The following MAGI2 variants were observed in gnomAD, a reference collection of about 807,000 sequenced individuals.
MAGI2 encodes the protein membrane-associated guanylate kinase, WW and PDZ domain-containing protein 2.
In MAGI2, 35 loss-of-function variants were observed where a neutral mutation model predicts 133.3. The observed-to-expected ratio is 0.26, with a 90% confidence interval of 0.20 to 0.35. The LOEUF is 0.35. Ranked by LOEUF, MAGI2 falls within the 10% of genes least tolerant of loss-of-function variation. MAGI2 has a pLI of 1.00. For synonymous variants in MAGI2, 729 were observed against 710.6 expected (o/e 1.03, Z -0.41); for missense variants, 1,636 against 1,863.4 (o/e 0.88, Z 2.25).
At chr7:78,551,255 G>A (rs561527652) in intron 3 of MAGI2, among the ~76,000 whole-genome samples, 12 of 152,302 alleles carry the variant, frequency 7.9e-5, no homozygotes, top group East Asian at 3.9e-4. Context: ...AATTACTTTA[G>A]TGGGTTGTTT....
chr7:78,805,960 T>G (rs151167122), intron 2 of MAGI2, among the ~76,000 whole-genome samples: 1 of 152,128 alleles, frequency 6.6e-6, no homozygotes, highest in African/African-American at 2.4e-5. Context: ...ACTGTGGAAT[T>G]TGTAGCAAAG....
chr7:78,161,734 T>C (rs17149399), intron 15 of MAGI2, among the ~76,000 whole-genome samples: 13,759 of 141,808 alleles, frequency 0.097, 712 homozygotes, highest in East Asian at 0.17. Flanking sequence ...TTTTAAAAAA[T>C]GGCCTAACCA....
intron 3 of MAGI2, among the ~76,000 whole-genome samples, chr7:78,605,643 C>T (rs1477869509): frequency 2.0e-5 from 3 of 152,018 alleles, no homozygotes; most frequent in Non-Finnish European, 1.5e-5. Context: ...ACAGAGCATG[C>T]TGAAGTCTGT....
At chr7:79,155,494 T>G (rs1823683284) in intron 1 of MAGI2, among the ~76,000 whole-genome samples, 2 of 152,096 alleles carry the variant, frequency 1.3e-5, no homozygotes, top group Non-Finnish European at 1.5e-5. Flanking sequence ...TTTGGAAAGA[T>G]GGGAACACCA....
At chr7:79,001,569 G>A (rs964252465) in intron 2 of MAGI2, among the ~76,000 whole-genome samples, 2 of 152,154 alleles carry the variant, frequency 1.3e-5, no homozygotes, top group South Asian at 2.1e-4. Context: ...ATAAACAGCC[G>A]TGATTATTTT....
At chr7:78,988,956 T>C (rs1349432630) in intron 2 of MAGI2, among the ~76,000 whole-genome samples, 2 of 152,068 alleles carry the variant, frequency 1.3e-5, no homozygotes, top group African/African-American at 2.4e-5. Context: ...ACTTTCAAGA[T>C]GTGAAATAAA....
At chr7:78,713,717 C>T (rs1819430275) in intron 2 of MAGI2, among the ~76,000 whole-genome samples, 1 of 152,076 alleles carries the variant, frequency 6.6e-6, no homozygotes, top group African/African-American at 2.4e-5. Context: ...ACTTGCTTTC[C>T]TTCAATAGTA....
Position 79,396,009 on chromosome 7 carries a change from C to T in MAGI2, c.301+57011G>A, listed in dbSNP as rs540878407. ...ATTAAAATTATATGTGTGTCACTTT[C>T]TCTGTCCTATAAGGCTGGGGATTTC... On this transcript the variant is annotated intron_variant, in intron 1 of 21. Transcript: ENST00000354212. Among the ~76,000 whole-genome samples, 3 of 152,236 alleles carry T rather than the reference C, an allele frequency of 2.0e-5. No homozygotes were observed. The South Asian group carries it at 6.2e-4, about 32-fold the overall frequency.
chr7:78,423,243 T>C (rs1012607687), intron 6 of MAGI2, among the ~76,000 whole-genome samples: 2 of 152,114 alleles, frequency 1.3e-5, no homozygotes, highest in African/African-American at 4.8e-5. Flanking sequence ...CGAGATCTGA[T>C]GGTTTTAAAA....
At chr7:79,217,973 A>AAT (rs1830154013) in intron 1 of MAGI2, among the ~76,000 whole-genome samples, 1 of 152,022 alleles carries the variant, frequency 6.6e-6, no homozygotes, top group Non-Finnish European at 1.5e-5. Flanking sequence ...AACATGCACG[A>AAT]ATATTAGGCT....
chr7:78,048,701 G>A (rs1811689168), intron 21 of MAGI2, among the ~76,000 whole-genome samples: 14 of 151,908 alleles, frequency 9.2e-5, no homozygotes, highest in Admixed American at 9.2e-4. Context: ...TTTGTCCCAG[G>A]GCTTCCACCT....
At chr7:78,515,999 C>T (rs976155377) in intron 4 of MAGI2, among the ~76,000 whole-genome samples, 1 of 152,250 alleles carries the variant, frequency 6.6e-6, no homozygotes, top group Admixed American at 6.5e-5. Flanking sequence ...CAGGCTAATA[C>T]CTTCCAAACA....
intron 1 of MAGI2, among the ~76,000 whole-genome samples, chr7:79,023,558 G>C (rs532351421): frequency 1.4e-3 from 215 of 152,242 alleles, no homozygotes; most frequent in Middle Eastern, 6.8e-3. Flanking sequence ...CCTGTTTGTT[G>C]ATGATGTGAT....
chr7:78,438,147 GTTT>G (rs1002379829), intron 6 of MAGI2, among the ~76,000 whole-genome samples: 3 of 151,988 alleles, frequency 2.0e-5, no homozygotes, highest in African/African-American at 7.2e-5. Flanking sequence ...CCACTGAAAC[GTTT>G]TTGAGACTCT....
intron 3 of MAGI2, among the ~76,000 whole-genome samples, chr7:78,531,820 C>G (rs73376279): frequency 6.6e-6 from 1 of 152,106 alleles, no homozygotes; most frequent in Non-Finnish European, 1.5e-5. Context: ...GAGACCTCTA[C>G]GACTATTTTT....
chr7:78,668,873 G>T (rs1362336780), intron 2 of MAGI2, among the ~76,000 whole-genome samples: 1 of 151,558 alleles, frequency 6.6e-6, no homozygotes, highest in East Asian at 1.9e-4. Context: ...TGAAACCAAT[G>T]AGAACAAAGA....
At chr7:79,085,244 T>C (rs151024198) in intron 1 of MAGI2, among the ~76,000 whole-genome samples, 1 of 152,010 alleles carries the variant, frequency 6.6e-6, no homozygotes, top group East Asian at 1.9e-4. Flanking sequence ...CTTCTGCTAG[T>C]TCAAATCTGC....
chr7:79,288,888 T>C (rs1188066038), intron 1 of MAGI2, among the ~76,000 whole-genome samples: 1 of 152,170 alleles, frequency 6.6e-6, no homozygotes, highest in Non-Finnish European at 1.5e-5. Context: ...AATACTAGAC[T>C]TTTTTCTTTT....
intron 1 of MAGI2, among the ~76,000 whole-genome samples, chr7:79,040,344 T>C (rs945881316): frequency 1.3e-5 from 2 of 151,730 alleles, no homozygotes; most frequent in Non-Finnish European, 2.9e-5. Context: ...TCTTTCATAA[T>C]TGTATAAATT....
Sources: gnomAD v4.1 joint callset for allele counts (sites outside exome capture counted in the v4.1 genomes callset) on GRCh38, gnomAD v4.1.1 for gene constraint, MANE v1.5 for transcripts, NCBI Gene and HGNC (gene_info 2026-07-23, HGNC 2026-07-21) for gene names.